OSBPL1A: variants seen among roughly 807,000 people sequenced by gnomAD.
The protein encoded by OSBPL1A is oxysterol binding protein like 1A, also known as oxysterol-binding protein-related protein 1.
Under a neutral mutation model 137.1 loss-of-function variants are expected in OSBPL1A, and 80 were observed. The ratio of observed to expected loss-of-function variants is 0.58; its 90% CI spans 0.49 to 0.70. The LOEUF is 0.70. Among genes scored for constraint, OSBPL1A ranks in the 30% least tolerant of loss-of-function variants. OSBPL1A has a pLI of 0.00. For missense variants in OSBPL1A, 970 were observed against 1,129.4 expected (o/e 0.86, Z 2.02); for synonymous variants, 365 against 389.7 (o/e 0.94, Z 0.75).
At chr18:24,260,701 G>A (rs76387937) in intron 15 of OSBPL1A, among the ~76,000 whole-genome samples, 2,611 of 152,222 alleles carry the variant, frequency 0.017, 37 homozygotes, top group Non-Finnish European at 0.026. Context: ...GTGGAATGAT[G>A]AAAATGTTTT....
chr18:24,308,043 T>A (rs1418708285), intron 13 of OSBPL1A, among the ~76,000 whole-genome samples: 1 of 152,054 alleles, frequency 6.6e-6, no homozygotes, highest in Non-Finnish European at 1.5e-5. Flanking sequence ...GCCTCGGGAA[T>A]CATTTATTCT....
chr18:24,378,833 G>C (rs1263077395), intron 1 of OSBPL1A, among the ~76,000 whole-genome samples: 1 of 152,124 alleles, frequency 6.6e-6, no homozygotes, highest in African/African-American at 2.4e-5. Context: ...GTACAAGAGA[G>C]ACACCAGGAG....
chr18:24,184,433 A>C (rs755858483), intron 18 of OSBPL1A, among the ~76,000 whole-genome samples: 2 of 152,112 alleles, frequency 1.3e-5, no homozygotes, highest in Admixed American at 1.3e-4. Flanking sequence ...ACAACCACTT[A>C]ACCTGGAATG....
At position 24,170,445 on chromosome 18, in the gene OSBPL1A, T is replaced by C; in HGVS notation, c.2300A>G (p.Lys767Arg). 6.2e-7 allele frequency: 1 copy of C among 1,614,018 alleles called. No individual in the cohort carries two copies. The highest frequency in any genetic ancestry group is 8.5e-7 in the Non-Finnish European group (1 of 1,180,002). The part of the protein sequence containing the change: ...EGYIQDKSKK[K>R]LCALYGKWTE... ...CCACTTCCCATAGAGGGCACAGAGC[T>C]TCTTTTTGCTGTCAAGAAAAACTGA... is the stretch of plus-strand genomic sequence containing the variant. Residue 767 changes from lysine to arginine, a missense_variant, in exon 24 of 28, where the codon AAG (lysine) becomes AGG (arginine). Physicochemically the swap from Lys to Arg is conservative, Grantham distance 26. Transcript: ENST00000319481.
intron 17 of OSBPL1A, among the ~76,000 whole-genome samples, chr18:24,207,584 A>C (rs575296982): frequency 4.0e-4 from 61 of 152,354 alleles, no homozygotes; most frequent in African/African-American, 1.4e-3. Context: ...TGAACTAAAA[A>C]TCTAAGAAAA....
At chr18:24,385,990 C>G (rs951797923) in intron 1 of OSBPL1A, among the ~76,000 whole-genome samples, 1 of 152,086 alleles carries the variant, frequency 6.6e-6, no homozygotes, top group African/African-American at 2.4e-5. Context: ...TGCACCAAGG[C>G]TGGCGGGCAG....
Position 24,310,933 on chromosome 18 carries a change from T to C in OSBPL1A, c.1092+1051A>G, listed in dbSNP as rs559118537. Among the ~76,000 whole-genome samples, 20 of 152,332 alleles carry C rather than the reference T, an allele frequency of 1.3e-4. No homozygotes were observed. The South Asian group carries it at 3.1e-3, about 24-fold the overall frequency. ...CATATTTTCCCAGTTTTAATGTTAC[T>C]TAAATGCTGTAGTAGATGTTACCTT... On this transcript the variant is annotated intron_variant, in intron 13 of 27. Transcript: ENST00000319481.
rs565359517 is a variant in OSBPL1A, at chr18:24,279,250, T to TAA, written c.1281+1590_1281+1591dup. Among the ~76,000 whole-genome samples, 599 of 125,362 alleles carry TAA rather than the reference T, an allele frequency of 4.8e-3. 2 individuals are homozygous for TAA. Among genetic ancestry groups the TAA allele is most frequent in the African/African-American group, 0.012 (395 of 33,560 alleles). 82.2% of individuals were successfully genotyped at this position (125,362 alleles called of 152,430 possible). A position where few individuals can be genotyped will look rare whatever the true frequency, so the allele number is the denominator to read the frequency against. On this transcript the variant is annotated intron_variant, in intron 15 of 27. Transcript: ENST00000319481. The stretch of plus-strand genomic sequence containing the variant: ...GGCAACATACAAAGGCCCATTTCTT[T>TAA]AAAAAAAAAAAAAAAAAAAAAATCA...
chr18:24,308,789 G>A (rs557700104), intron 13 of OSBPL1A, among the ~76,000 whole-genome samples: 32 of 150,922 alleles, frequency 2.1e-4, no homozygotes, highest in South Asian at 6.3e-4. Context: ...TTTTTGAGTC[G>A]TCTCACTCTT....
intron 14 of OSBPL1A, among the ~76,000 whole-genome samples, chr18:24,300,779 T>C (rs1316880809): frequency 2.6e-5 from 4 of 152,252 alleles, no homozygotes; most frequent in Non-Finnish European, 5.9e-5. Flanking sequence ...TGGCAGACTA[T>C]GTAAGAAGTC....
At chr18:24,306,378 T>C (rs772452741) in intron 13 of OSBPL1A, among the ~76,000 whole-genome samples, 73 of 152,194 alleles carry the variant, frequency 4.8e-4, no homozygotes, top group Non-Finnish European at 7.9e-4. Flanking sequence ...TAGAGAGGAA[T>C]GCATAGGCTA....
chr18:24,171,885 C>T (rs2086295327), intron 22 of OSBPL1A, among the ~76,000 whole-genome samples: 1 of 151,884 alleles, frequency 6.6e-6, no homozygotes, highest in Non-Finnish European at 1.5e-5. Flanking sequence ...TTTAATGAAC[C>T]CTCTTTATTA....
chr18:24,395,916 C>G (rs972068388), intron 1 of OSBPL1A, among the ~76,000 whole-genome samples: 1 of 150,170 alleles, frequency 6.7e-6, no homozygotes, highest in Non-Finnish European at 1.5e-5. Flanking sequence ...GCCATGGCAC[C>G]CGGCCAGGAA....
At chr18:24,279,441 G>C (rs944406915) in intron 15 of OSBPL1A, among the ~76,000 whole-genome samples, 5 of 151,518 alleles carry the variant, frequency 3.3e-5, no homozygotes, top group Admixed American at 6.6e-5. Context: ...AAAAAAAATT[G>C]TATATGAATT....
At chr18:24,207,136 T>G (rs981772823) in intron 17 of OSBPL1A, among the ~76,000 whole-genome samples, 2 of 152,174 alleles carry the variant, frequency 1.3e-5, no homozygotes, top group Non-Finnish European at 2.9e-5. Flanking sequence ...CAGGCTGGAG[T>G]GCAGCGGTGC....
intron 14 of OSBPL1A, among the ~76,000 whole-genome samples, chr18:24,286,049 C>T (rs2090061400): frequency 6.6e-6 from 1 of 152,104 alleles, no homozygotes; most frequent in Non-Finnish European, 1.5e-5. Flanking sequence ...CCCAGCTACC[C>T]AGGAGGCTGA....
At chr18:24,194,813 G>A (rs2086979741) in intron 18 of OSBPL1A, among the ~76,000 whole-genome samples, 1 of 152,164 alleles carries the variant, frequency 6.6e-6, no homozygotes. Flanking sequence ...CTTGCTTGGG[G>A]TCTCACAGCC....
chr18:24,175,108 G>GTATATATATATA (rs71163664), intron 21 of OSBPL1A, among the ~76,000 whole-genome samples: 3 of 111,496 alleles, frequency 2.7e-5, no homozygotes, highest in South Asian at 2.7e-4. Flanking sequence ...CCATGTGTAT[G>GTATATATATATA]TATATATATA....
intron 7 of OSBPL1A, among the ~76,000 whole-genome samples, chr18:24,319,228 G>T (rs2090795961): frequency 6.6e-6 from 1 of 152,080 alleles, no homozygotes; most frequent in Admixed American, 6.6e-5. Context: ...ACTTGACATG[G>T]GGTCTCTTCC....
Sources: gnomAD v4.1 joint callset for allele counts (sites outside exome capture counted in the v4.1 genomes callset) on GRCh38, gnomAD v4.1.1 for gene constraint, MANE v1.5 for transcripts, NCBI Gene and HGNC (gene_info 2026-07-23, HGNC 2026-07-21) for gene names.